Variants in NCKAP5 observed in about 807,000 individuals in gnomAD.
NCKAP5 encodes the protein nck-associated protein 5.
A neutral mutation model predicts 167.0 loss-of-function variants in NCKAP5; 92 were observed. The ratio of observed to expected loss-of-function variants is 0.55; its 90% CI spans 0.47 to 0.66. NCKAP5 has a LOEUF of 0.66. NCKAP5 is among the 30% of genes least tolerant of loss of function. NCKAP5 has a pLI of 0.00. For missense variants in NCKAP5, 2,378 were observed against 2,315.0 expected, an observed-to-expected ratio of 1.03 and a Z score of -0.56; for synonymous variants, 891 against 877.4, an observed-to-expected ratio of 1.02 and a Z score of -0.27.
At chr2:132,834,116 T>A (rs1301956092) in intron 11 of NCKAP5, among the ~76,000 whole-genome samples, 2 of 152,110 alleles carry the variant, frequency 1.3e-5, no homozygotes, top group African/African-American at 2.4e-5. Context: ...TTTTGTAGAG[T>A]CTTTTTGTTT....
At chr2:132,688,211 ACTATG>A (rs1686216129) in intron 19 of NCKAP5, among the ~76,000 whole-genome samples, 1 of 152,216 alleles carries the variant, frequency 6.6e-6, no homozygotes, top group South Asian at 2.1e-4. Context: ...CATTCTGTTC[ACTATG>A]ACTGATGATT....
intron 6 of NCKAP5, among the ~76,000 whole-genome samples, chr2:133,035,776 C>T (rs530844121): frequency 6.6e-6 from 1 of 151,110 alleles, no homozygotes. Context: ...TCTTAAAAAA[C>T]TAGAAAAGCA....
At chr2:132,981,603 A>G (rs941240842) in intron 7 of NCKAP5, among the ~76,000 whole-genome samples, 1 of 152,194 alleles carries the variant, frequency 6.6e-6, no homozygotes, top group African/African-American at 2.4e-5. Flanking sequence ...AGTCTATTGA[A>G]TAAGTCTAAG....
chr2:132,996,661 G>A (rs1426747503), intron 6 of NCKAP5, among the ~76,000 whole-genome samples: 1 of 152,160 alleles, frequency 6.6e-6, no homozygotes, highest in Non-Finnish European at 1.5e-5. Context: ...TGGAATAAAT[G>A]ACAACATTTG....
At chr2:132,885,908 G>T (rs376400867) in intron 8 of NCKAP5, among the ~76,000 whole-genome samples, 1 of 152,278 alleles carries the variant, frequency 6.6e-6, no homozygotes, top group African/African-American at 2.4e-5. Flanking sequence ...TAACAGCTCC[G>T]CTGCAGGCTT....
intron 6 of NCKAP5, among the ~76,000 whole-genome samples, chr2:133,066,062 C>G (rs552216024): frequency 2.6e-5 from 4 of 152,062 alleles, no homozygotes; most frequent in East Asian, 1.9e-4. Flanking sequence ...TGTATACATG[C>G]TCATGTATGT....
chr2:132,782,659 T>G lies in NCKAP5; in HGVS notation c.4152A>C (p.Gly1384=), dbSNP rs1486056464. 1 of 1,611,978 alleles carries G rather than the reference T, an allele frequency of 6.2e-7. No homozygotes were observed. Among genetic ancestry groups the G allele is most frequent in the Non-Finnish European group, 8.5e-7 (1 of 1,179,002 alleles). The stretch of plus-strand genomic sequence containing the variant: ...GGGTGAAGGCCTGCTGGTCTTCCTT[T>G]CCAGGTGGGATGAGGAGTCCCTCAG... ...PKSEGLLIPP[G]KEDQQAFTQG... is the part of the protein sequence containing the mutation. Residue 1384 remains glycine (G), a synonymous_variant, in exon 14 of 20, where the codon GGA becomes GGC. Transcript: ENST00000409261.
chr2:133,106,282 GACTC>G (rs1160652878), intron 6 of NCKAP5, among the ~76,000 whole-genome samples: 1 of 124,158 alleles, frequency 8.1e-6, no homozygotes, highest in Non-Finnish European at 1.6e-5. Flanking sequence ...AACAGAGCCA[GACTC>G]CGTCTCAAAA....
chr2:133,368,078 G>C (rs903508393), intron 3 of NCKAP5, among the ~76,000 whole-genome samples: 1 of 152,150 alleles, frequency 6.6e-6, no homozygotes, highest in Non-Finnish European at 1.5e-5. Flanking sequence ...GGTAGAAAGA[G>C]CTCATCAGAG....
At position 133,244,274 on chromosome 2, in the gene NCKAP5, T is replaced by C. The variant is rs775427170; in HGVS notation, c.144-30495A>G. Among the ~76,000 whole-genome samples the C allele has an allele frequency of 5.9e-5, 9 of 152,334 alleles. No homozygotes were observed. The South Asian group carries it at 1.9e-3, about 32-fold the overall frequency. ...TCATCTTTATTGTCAAATTCCCTTG[T>C]AATCTATCTCTTTGTAAGATCCTCC... On this transcript the variant is annotated intron_variant, in intron 4 of 19. Coordinates refer to ENST00000409261, the MANE Select transcript of NCKAP5 (RefSeq NM_207363.3).
chr2:133,016,171 C>T (rs2078327653), intron 6 of NCKAP5, among the ~76,000 whole-genome samples: 1 of 152,190 alleles, frequency 6.6e-6, no homozygotes, highest in African/African-American at 2.4e-5. Context: ...GCCCCATGCT[C>T]CGCAGTAAAA....
At chr2:132,771,072 A>G (rs1362706473) in intron 16 of NCKAP5, among the ~76,000 whole-genome samples, 3 of 146,328 alleles carry the variant, frequency 2.1e-5, no homozygotes, top group African/African-American at 7.7e-5. Flanking sequence ...GTTATTTTAG[A>G]CTGTACCCCT....
chr2:133,566,422 C>T (rs1253279629), intron 1 of NCKAP5, among the ~76,000 whole-genome samples: 1 of 152,152 alleles, frequency 6.6e-6, no homozygotes, highest in African/African-American at 2.4e-5. Flanking sequence ...GCTTTTAGGC[C>T]ATTATCTGTA....
chr2:133,365,269 C>G (rs1394148956), intron 3 of NCKAP5, among the ~76,000 whole-genome samples: 1 of 152,170 alleles, frequency 6.6e-6, no homozygotes, highest in Non-Finnish European at 1.5e-5. Context: ...CTGAGGGCAT[C>G]TGGAGTTTAC....
chr2:133,342,831 G>A (rs561914274), intron 3 of NCKAP5, among the ~76,000 whole-genome samples: 3 of 152,310 alleles, frequency 2.0e-5, no homozygotes, highest in South Asian at 2.1e-4. Context: ...ATTTCACAGT[G>A]TTGTGATTAA....
In NCKAP5 at chr2:133,110,694, A is replaced by G. The variant is rs543776134; in HGVS notation, c.341+19284T>C. Among the ~76,000 whole-genome samples, 7 of 152,312 alleles carry G rather than the reference A, an allele frequency of 4.6e-5. No homozygotes were observed. In the East Asian group the frequency reaches 5.8e-4, roughly 13 times the overall value. Reference sequence around the variant, plus strand: ...TAACCTATGGCTTTCCTCATTTGTGAACCCAAGGAAGCGTGCCACATATAG... The same window carrying G: ...TAACCTATGGCTTTCCTCATTTGTGGACCCAAGGAAGCGTGCCACATATAG... On this transcript the variant is annotated intron_variant, in intron 6 of 19. Coordinates refer to ENST00000409261, the MANE Select transcript of NCKAP5 (RefSeq NM_207363.3).
intron 8 of NCKAP5, among the ~76,000 whole-genome samples, chr2:132,890,811 T>G (rs1460878362): frequency 6.6e-6 from 1 of 152,196 alleles, no homozygotes; most frequent in Non-Finnish European, 1.5e-5. Context: ...TTGTACAGTA[T>G]CCAGACCCAG....
chr2:133,128,886 C>T (rs1311103092), intron 6 of NCKAP5, among the ~76,000 whole-genome samples: 1 of 151,954 alleles, frequency 6.6e-6, no homozygotes, highest in East Asian at 1.9e-4. Context: ...GCGTGAACCA[C>T]TGCGTCTGGC....
the NCKAP5 span, among the ~76,000 whole-genome samples, chr2:133,642,809 T>C: frequency 6.6e-6 from 1 of 152,238 alleles, no homozygotes; most frequent in Non-Finnish European, 1.5e-5. Context: ...CAATCATTTA[T>C]AGCAGTAAAT....
Sources: gnomAD v4.1 joint callset for allele counts (sites outside exome capture counted in the v4.1 genomes callset) on GRCh38, gnomAD v4.1.1 for gene constraint, MANE v1.5 for transcripts, NCBI Gene and HGNC (gene_info 2026-07-23, HGNC 2026-07-21) for gene names.